HS3ST4: variants seen among roughly 807,000 people sequenced by gnomAD.
HS3ST4 encodes heparan sulfate-glucosamine 3-sulfotransferase 4.
HS3ST4 carries 17 observed loss-of-function variants against 29.2 expected under a neutral mutation model. The ratio of observed to expected loss-of-function variants is 0.58; its 90% CI spans 0.40 to 0.87. The LOEUF is 0.87. HS3ST4 is among the 40% of genes least tolerant of loss of function. The pLI is 0.00. For missense variants in HS3ST4, 627 were observed against 634.5 expected, an observed-to-expected ratio of 0.99 and a Z score of 0.13; for synonymous variants, 314 against 285.7, an observed-to-expected ratio of 1.10 and a Z score of -1.00.
At chr16:26,046,743 G>A (rs543116448) in intron 1 of HS3ST4, among the ~76,000 whole-genome samples, 2 of 152,060 alleles carry the variant, frequency 1.3e-5, no homozygotes, top group African/African-American at 2.4e-5. Flanking sequence ...GTGTGTGTAT[G>A]TGTGTAAACA....
chr16:25,869,150 TC>T (rs1459000961), intron 1 of HS3ST4, among the ~76,000 whole-genome samples: 3 of 152,068 alleles, frequency 2.0e-5, no homozygotes, highest in African/African-American at 4.8e-5. Flanking sequence ...CATCTGCTAC[TC>T]GGGAGTGGGA....
chr16:26,047,410 T>A (rs1290598080), intron 1 of HS3ST4, among the ~76,000 whole-genome samples: 1 of 152,232 alleles, frequency 6.6e-6, no homozygotes, highest in African/African-American at 2.4e-5. Flanking sequence ...TTTATTGGTG[T>A]GTGTATATGT....
At chr16:26,096,466 T>C (rs1898927153) in intron 1 of HS3ST4, among the ~76,000 whole-genome samples, 1 of 152,044 alleles carries the variant, frequency 6.6e-6, no homozygotes, top group Non-Finnish European at 1.5e-5. Context: ...ACATAATCCA[T>C]CACATAAAGA....
At chr16:26,067,787 C>T (rs370961661) in intron 1 of HS3ST4, among the ~76,000 whole-genome samples, 8 of 152,118 alleles carry the variant, frequency 5.3e-5, no homozygotes, top group Admixed American at 1.3e-4. Flanking sequence ...ATCATGAGAG[C>T]GGGTTTTTCC....
chr16:26,122,782 G>T (rs1029502656), intron 1 of HS3ST4, among the ~76,000 whole-genome samples: 2 of 152,104 alleles, frequency 1.3e-5, no homozygotes, highest in Non-Finnish European at 2.9e-5. Context: ...AGGGCTGGGT[G>T]TGGTGGCTCA....
intron 1 of HS3ST4, among the ~76,000 whole-genome samples, chr16:25,750,968 C>A (rs1022494147): frequency 6.6e-6 from 1 of 152,110 alleles, no homozygotes; most frequent in Non-Finnish European, 1.5e-5. Flanking sequence ...CAGGGCAGGG[C>A]AGGCAGGAGG....
At chr16:26,134,999 A>G (rs73525840) in intron 1 of HS3ST4, among the ~76,000 whole-genome samples, 1,876 of 152,238 alleles carry the variant, frequency 0.012, 37 homozygotes, top group African/African-American at 0.043. Flanking sequence ...GCATCACAAA[A>G]TATTATTATT....
At chr16:25,793,932 A>G (rs1390823446) in intron 1 of HS3ST4, among the ~76,000 whole-genome samples, 1 of 151,648 alleles carries the variant, frequency 6.6e-6, no homozygotes, top group Non-Finnish European at 1.5e-5. Context: ...GTCTTCCTGT[A>G]TCACATTTTC....
At chr16:26,096,446 G>T (rs11641404) in intron 1 of HS3ST4, among the ~76,000 whole-genome samples, 13 of 152,000 alleles carry the variant, frequency 8.6e-5, no homozygotes, top group African/African-American at 3.1e-4. Context: ...CAACATATGC[G>T]AATCAATAAA....
chr16:25,907,626 A>G (rs1045514572), intron 1 of HS3ST4, among the ~76,000 whole-genome samples: 3 of 152,226 alleles, frequency 2.0e-5, no homozygotes, highest in Non-Finnish European at 4.4e-5. Context: ...AAGGACCCAA[A>G]GATACCCTTA....
chr16:26,134,362 C>T (rs28627495), intron 1 of HS3ST4, among the ~76,000 whole-genome samples: 24,899 of 75,948 alleles, frequency 0.33, 3,647 homozygotes, highest in African/African-American at 0.42. Flanking sequence ...CTTTTCTTTT[C>T]TTTTTTTTTT....
chr16:26,110,368 G>T (rs968029683), intron 1 of HS3ST4, among the ~76,000 whole-genome samples: 1 of 152,048 alleles, frequency 6.6e-6, no homozygotes. Flanking sequence ...ATTTCCATTT[G>T]GATGTAGACG....
rs150906016 is a variant in HS3ST4, at chr16:26,085,860, C to T, written c.735-49752C>T. Among the ~76,000 whole-genome samples, 3 of 150,418 alleles carry T rather than the reference C, an allele frequency of 2.0e-5. No homozygotes were observed. The East Asian group carries it at 5.8e-4, about 29-fold the overall frequency. ...CTAAACTCCAGTCTGGGTGACAGAGCGAGACCCTGTCTCTTAAAATAATAA... is the reference window on the plus strand; with the variant it reads ...CTAAACTCCAGTCTGGGTGACAGAGTGAGACCCTGTCTCTTAAAATAATAA... On this transcript the variant is annotated intron_variant, in intron 1 of 1. Transcript: ENST00000331351.
chr16:25,967,872 G>C (rs776190530), intron 1 of HS3ST4, among the ~76,000 whole-genome samples: 1 of 152,188 alleles, frequency 6.6e-6, no homozygotes, highest in Non-Finnish European at 1.5e-5. Flanking sequence ...GAGTCAGGAG[G>C]TGCTTGCAAA....
intron 1 of HS3ST4, among the ~76,000 whole-genome samples, chr16:25,817,600 G>C (rs1967106859): frequency 6.6e-6 from 1 of 152,204 alleles, no homozygotes; most frequent in Non-Finnish European, 1.5e-5. Context: ...CCAGAAGAGA[G>C]AAAGTATAAC....
At chr16:25,992,417 A>G (rs1036566213) in intron 1 of HS3ST4, among the ~76,000 whole-genome samples, 3 of 152,232 alleles carry the variant, frequency 2.0e-5, no homozygotes, top group African/African-American at 2.4e-5. Flanking sequence ...AGGAAACAGT[A>G]TATATCATGG....
chr16:25,923,997 C>A (rs535368859), intron 1 of HS3ST4, among the ~76,000 whole-genome samples: 1 of 152,158 alleles, frequency 6.6e-6, no homozygotes, highest in East Asian at 1.9e-4. Flanking sequence ...TTCTCCTCTG[C>A]GCTTTGGCCA....
chr16:25,851,051 A>T (rs2141649593), intron 1 of HS3ST4, among the ~76,000 whole-genome samples: 1 of 152,308 alleles, frequency 6.6e-6, no homozygotes, highest in South Asian at 2.1e-4. Flanking sequence ...GTGAAGCTTA[A>T]TTTGGAGAAA....
At chr16:25,799,018 G>A (rs770313703) in intron 1 of HS3ST4, among the ~76,000 whole-genome samples, 2 of 152,134 alleles carry the variant, frequency 1.3e-5, no homozygotes, top group African/African-American at 2.4e-5. Context: ...TTTTCTTGTT[G>A]GTATATAAGC....
Sources: allele counts gnomAD v4.1 joint callset (sites outside exome capture counted in the v4.1 genomes callset), GRCh38; gene constraint gnomAD v4.1.1; transcripts MANE v1.5; gene names NCBI Gene and HGNC (gene_info 2026-07-23, HGNC 2026-07-21).